Variants in ERICH6B observed in about 807,000 individuals in gnomAD.
The protein encoded by ERICH6B is glutamate-rich protein 6B.
A neutral mutation model predicts 80.0 loss-of-function variants in ERICH6B; 69 were observed. The ratio of observed to expected loss-of-function variants is 0.86; its 90% CI spans 0.71 to 1.05. The LOEUF (loss-of-function observed/expected upper bound fraction) is 1.05. ERICH6B is among the 50% of genes least tolerant of loss of function. The probability of loss-of-function intolerance (pLI) is 0.00; values close to 1 mark genes in which losing one functional copy is unlikely to be tolerated. For synonymous variants in ERICH6B, 283 were observed against 291.9 expected, an observed-to-expected ratio of 0.97 and a Z score of 0.31; for missense variants, 754 against 796.1, an observed-to-expected ratio of 0.95 and a Z score of 0.64.
chr13:45,589,121 CACTT>C lies in ERICH6B; in HGVS notation c.686+1524_686+1527del, dbSNP rs144143927. On this transcript the variant is annotated intron_variant, in intron 4 of 14. Transcript: ENST00000298738. Reference sequence around the variant, plus strand: ...CACACACGTGCATGTGTGAATGTAACACTTACTGCCTAAAGGAGTCTGTGGAAGG... The same window carrying C: ...CACACACGTGCATGTGTGAATGTAACACTGCCTAAAGGAGTCTGTGGAAGG... Among the ~76,000 whole-genome samples, 780 of 152,336 alleles carry C rather than the reference CACTT, an allele frequency of 5.1e-3. 3 individuals are homozygous for C. The highest frequency in any genetic ancestry group is 8.9e-3 in the Non-Finnish European group (603 of 68,030).
At chr13:45,561,106 T>C (rs1874654549) in intron 11 of ERICH6B, among the ~76,000 whole-genome samples, 1 of 152,138 alleles carries the variant, frequency 6.6e-6, no homozygotes, top group Non-Finnish European at 1.5e-5. Flanking sequence ...CTATATAATA[T>C]ACATTTCCTT....
chr13:45,562,060 T>C (rs1874705797), intron 10 of ERICH6B, among the ~76,000 whole-genome samples: 1 of 151,944 alleles, frequency 6.6e-6, no homozygotes, highest in Non-Finnish European at 1.5e-5. Flanking sequence ...ATCACACCAA[T>C]GACTGATTGA....
At chr13:45,606,501 ATGTG>A (rs71994482) in intron 2 of ERICH6B, among the ~76,000 whole-genome samples, 26,776 of 46,144 alleles carry the variant, frequency 0.58, 6,884 homozygotes, top group Non-Finnish European at 0.62. Flanking sequence ...CCAAAAGTGT[ATGTG>A]TATATATATA....
chr13:45,556,318 A>G (rs1055322068), intron 11 of ERICH6B, among the ~76,000 whole-genome samples: 3 of 152,142 alleles, frequency 2.0e-5, no homozygotes, highest in African/African-American at 7.2e-5. Flanking sequence ...TGAAGACATG[A>G]AGACTATCAC....
At chr13:45,614,729 C>T (rs954130920) in intron 1 of ERICH6B, among the ~76,000 whole-genome samples, 1 of 152,230 alleles carries the variant, frequency 6.6e-6, no homozygotes, top group African/African-American at 2.4e-5. Flanking sequence ...CCATGGTGCT[C>T]TGCAAACGTA....
chr13:45,579,142 C>T (rs531702325), intron 7 of ERICH6B, among the ~76,000 whole-genome samples: 198 of 152,282 alleles, frequency 1.3e-3, no homozygotes, highest in Non-Finnish European at 2.0e-3. Flanking sequence ...GTTTGAACAT[C>T]GTAGCTCTAA....
intron 2 of ERICH6B, among the ~76,000 whole-genome samples, chr13:45,605,082 C>G (rs1949849952): frequency 6.6e-6 from 1 of 152,112 alleles, no homozygotes; most frequent in Admixed American, 6.6e-5. Flanking sequence ...GCCACTCCCA[C>G]TTTTCTCCCG....
intron 11 of ERICH6B, among the ~76,000 whole-genome samples, chr13:45,554,833 G>T (rs1177603486): frequency 2.0e-5 from 3 of 152,228 alleles, no homozygotes; most frequent in African/African-American, 7.2e-5. Flanking sequence ...CCTGGGTCCT[G>T]GCCTGGAGGG....
intron 5 of ERICH6B, among the ~76,000 whole-genome samples, chr13:45,584,493 G>A (rs114233134): frequency 0.029 from 4,372 of 152,290 alleles, 198 homozygotes; most frequent in African/African-American, 0.098. Context: ...TCATGCTTTG[G>A]AAGCGGGTGC....
At chr13:45,549,064 A>C (rs1171183639) in intron 13 of ERICH6B, among the ~76,000 whole-genome samples, 1 of 152,156 alleles carries the variant, frequency 6.6e-6, no homozygotes, top group Non-Finnish European at 1.5e-5. Flanking sequence ...CGGATGGATC[A>C]CCTGAGGTCA....
At chr13:45,588,191 G>A (rs962940637) in intron 4 of ERICH6B, among the ~76,000 whole-genome samples, 4 of 152,226 alleles carry the variant, frequency 2.6e-5, no homozygotes, top group African/African-American at 9.6e-5. Flanking sequence ...GCAAAGAGGT[G>A]AAGGGAGAGA....
chr13:45,610,180 C>T (rs1949891378), intron 1 of ERICH6B, among the ~76,000 whole-genome samples: 1 of 152,152 alleles, frequency 6.6e-6, no homozygotes, highest in Admixed American at 6.5e-5. Context: ...TATTGTAGAA[C>T]CTAAGATTGG....
chr13:45,600,079 C>T (rs1949816957), intron 2 of ERICH6B, among the ~76,000 whole-genome samples: 1 of 152,188 alleles, frequency 6.6e-6, no homozygotes, highest in South Asian at 2.1e-4. Context: ...CTACGGAAAG[C>T]TTTGGGACCC....
At chr13:45,562,158 G>A (rs1019877034) in intron 10 of ERICH6B, among the ~76,000 whole-genome samples, 1 of 152,186 alleles carries the variant, frequency 6.6e-6, no homozygotes, top group African/African-American at 2.4e-5. Context: ...TGCCTCCTGG[G>A]TTCAAGCAAT....
At chr13:45,606,526 TATATATATATATATATA>T (rs1949863748) in intron 2 of ERICH6B, among the ~76,000 whole-genome samples, 3 of 33,946 alleles carry the variant, frequency 8.8e-5, no homozygotes, top group African/African-American at 3.7e-4. Flanking sequence ...TATATATATA[TATATATATATATATATA>T]TATATTTTTT....
At chr13:45,581,630 G>A (rs1875673975) in intron 5 of ERICH6B, among the ~76,000 whole-genome samples, 2 of 152,216 alleles carry the variant, frequency 1.3e-5, no homozygotes, top group African/African-American at 4.8e-5. Flanking sequence ...GCCTGCCTCA[G>A]CCTCCCAAAG....
intron 13 of ERICH6B, among the ~76,000 whole-genome samples, chr13:45,545,911 T>C (rs1873972728): frequency 6.6e-6 from 1 of 152,198 alleles, no homozygotes; most frequent in Non-Finnish European, 1.5e-5. Context: ...ACATATTATA[T>C]ATGTATGTAT....
intron 2 of ERICH6B, among the ~76,000 whole-genome samples, chr13:45,601,698 A>G (rs181348225): frequency 6.6e-6 from 1 of 152,306 alleles, no homozygotes; most frequent in Admixed American, 6.5e-5. Context: ...AGTCAGCTGC[A>G]TTCTCATTTC....
chr13:45,568,459 A>T lies in ERICH6B; in HGVS notation c.1051-8T>A. ...ATAGGAGCTGTTCAAAAACTACAAA[A>T]GGATCAAAGAATGAAATATTCAGAA... On this transcript the variant is annotated splice_region_variant and splice_polypyrimidine_tract_variant and intron_variant, in intron 8 of 14. Transcript: ENST00000298738. 6.7e-7 allele frequency: 1 copy of T among 1,487,490 alleles called. No homozygotes were observed. The highest frequency in any genetic ancestry group is 8.9e-7 in the Non-Finnish European group (1 of 1,121,520). 92.1% of individuals were successfully genotyped at this position (1,487,490 alleles called of 1,614,324 possible).
Sources: allele counts gnomAD v4.1 joint callset (sites outside exome capture counted in the v4.1 genomes callset), GRCh38; gene constraint gnomAD v4.1.1; transcripts MANE v1.5; gene names NCBI Gene and HGNC (gene_info 2026-07-23, HGNC 2026-07-21).